Variants in SEMA6D observed in about 807,000 individuals in gnomAD.
SEMA6D encodes semaphorin-6D.
SEMA6D carries 35 observed loss-of-function variants against 106.6 expected under a neutral mutation model. The ratio of observed to expected loss-of-function variants is 0.33; its 90% confidence interval spans 0.25 to 0.44. The LOEUF is 0.44. Ranked by LOEUF, SEMA6D falls within the 20% of genes least tolerant of loss-of-function variation. SEMA6D has a pLI of 1.00. For missense variants in SEMA6D, 1,185 were observed against 1,345.9 expected, an observed-to-expected ratio of 0.88 and a Z score of 1.87; for synonymous variants, 499 against 487.7, an observed-to-expected ratio of 1.02 and a Z score of -0.31.
chr15:47,726,769 T>A (rs951105591), intron 1 of SEMA6D, among the ~76,000 whole-genome samples: 1 of 152,260 alleles, frequency 6.6e-6, no homozygotes, highest in South Asian at 2.1e-4. Context: ...TATATCAGTG[T>A]CTGTTAAATA....
chr15:47,624,082 C>A (rs914488973), intron 4 of SEMA6D, among the ~76,000 whole-genome samples: 1 of 152,172 alleles, frequency 6.6e-6, no homozygotes, highest in Non-Finnish European at 1.5e-5. Context: ...TCAGAACTGC[C>A]GTCCGTACCC....
At chr15:47,694,128 C>T (rs11070607) in intron 4 of SEMA6D, among the ~76,000 whole-genome samples, 55,620 of 149,698 alleles carry the variant, frequency 0.37, 11,376 homozygotes, top group Middle Eastern at 0.51. Context: ...GCAAAATCTT[C>T]GGCCCCACAA....
chr15:47,261,198 G>T (rs2034060109), intron 1 of SEMA6D, among the ~76,000 whole-genome samples: 1 of 152,090 alleles, frequency 6.6e-6, no homozygotes, highest in South Asian at 2.1e-4. Context: ...GTTCACTCAT[G>T]TGTTTGATTA....
Position 47,764,872 on chromosome 15 carries a change from T to G in SEMA6D, c.1254-11T>G. 4 of 1,613,718 alleles carry G rather than the reference T, an allele frequency of 2.5e-6. No homozygotes were observed. The highest frequency in any genetic ancestry group is 1.1e-5 in the South Asian group (1 of 91,068). ...GCCTCCCCTTCTGATCTGTGCCGCC[T>G]CCTCTTGTAGGTACAGACTGACGGC... On this transcript the variant is annotated splice_polypyrimidine_tract_variant and intron_variant, in intron 12 of 18. Transcript: ENST00000536845.
rs1386728412 is a variant in SEMA6D at position 47,439,306 on chromosome 15, A to G, written c.-159+26834A>G. Among the ~76,000 whole-genome samples, 3 of 152,222 alleles carry G rather than the reference A, an allele frequency of 2.0e-5. No individual in the cohort carries two copies. In the East Asian group the frequency reaches 5.8e-4, roughly 30 times the overall value. ...AAAGTTTGTGAGTCAGCTCAATTCT[A>G]TTTTTAAAAGCGTATATAAACTCAA... On this transcript the variant is annotated intron_variant, in intron 2 of 19. Transcript: ENST00000558014.
At chr15:47,681,960 G>A (rs943953562) in intron 4 of SEMA6D, among the ~76,000 whole-genome samples, 10 of 152,110 alleles carry the variant, frequency 6.6e-5, no homozygotes, top group African/African-American at 2.4e-4. Flanking sequence ...AAGCTTTTAG[G>A]TTCAATGGTC....
At position 47,331,702 on chromosome 15, in the gene SEMA6D, A is replaced by G. The variant is rs79513520; in HGVS notation, c.-238-80691A>G. On this transcript the variant is annotated intron_variant, in intron 1 of 19. Transcript: ENST00000558014. The stretch of plus-strand genomic sequence containing the variant: ...TATTATCCTCTTTATACTTTTCTAC[A>G]TTGTCAAAAATTTCTTTAATGCAAA... 6.0e-3 allele frequency among the ~76,000 whole-genome samples: 910 copies of G among 152,316 alleles called. 6 individuals are homozygous for G. The highest frequency in any genetic ancestry group is 0.049 in the East Asian group (253 of 5,182).
chr15:47,550,917 T>A (rs1416451764), intron 3 of SEMA6D, among the ~76,000 whole-genome samples: 1 of 152,142 alleles, frequency 6.6e-6, no homozygotes, highest in Non-Finnish European at 1.5e-5. Flanking sequence ...AAAGTAAATA[T>A]GGCATTATCA....
At chr15:47,468,939 A>G (rs996668533) in intron 2 of SEMA6D, among the ~76,000 whole-genome samples, 1 of 152,102 alleles carries the variant, frequency 6.6e-6, no homozygotes, top group African/African-American at 2.4e-5. Context: ...GGAATGTTTT[A>G]TGTAGAAAGT....
intron 4 of SEMA6D, among the ~76,000 whole-genome samples, chr15:47,661,135 C>T (rs963159039): frequency 3.3e-5 from 5 of 152,178 alleles, no homozygotes; most frequent in African/African-American, 9.6e-5. Context: ...ACCTGACAGG[C>T]GTCTTCTTCC....
intron 4 of SEMA6D, among the ~76,000 whole-genome samples, chr15:47,632,478 A>G (rs927216454): frequency 1.3e-5 from 2 of 148,808 alleles, no homozygotes; most frequent in Non-Finnish European, 1.5e-5. Flanking sequence ...GTGGTGTTTT[A>G]TATGTACACA....
intron 2 of SEMA6D, among the ~76,000 whole-genome samples, chr15:47,413,429 A>G (rs1473226531): frequency 6.6e-6 from 1 of 152,130 alleles, no homozygotes; most frequent in Non-Finnish European, 1.5e-5. Context: ...GAGTGAGACT[A>G]TATTTGGTAC....
intron 1 of SEMA6D, among the ~76,000 whole-genome samples, chr15:47,282,228 A>G (rs140904905): frequency 9.0e-4 from 137 of 152,284 alleles, no homozygotes; most frequent in African/African-American, 3.2e-3. Context: ...TCCCTACCCT[A>G]TCCCCACCAA....
chr15:47,358,117 T>C (rs1189945417), intron 1 of SEMA6D, among the ~76,000 whole-genome samples: 1 of 152,192 alleles, frequency 6.6e-6, no homozygotes, highest in Non-Finnish European at 1.5e-5. Flanking sequence ...GAGTTTTTCC[T>C]AAGGCAGATG....
chr15:47,697,935 C>T (rs1304688662), intron 4 of SEMA6D, among the ~76,000 whole-genome samples: 1 of 152,224 alleles, frequency 6.6e-6, no homozygotes, highest in African/African-American at 2.4e-5. Flanking sequence ...GCTTCCCTAA[C>T]TTGCTAAGGC....
chr15:47,230,452 G>A (rs144272104), intron 1 of SEMA6D, among the ~76,000 whole-genome samples: 52 of 152,132 alleles, frequency 3.4e-4, no homozygotes, highest in Middle Eastern at 3.4e-3. Context: ...TATAGTGTCA[G>A]TTGTGTGAGA....
intron 1 of SEMA6D, among the ~76,000 whole-genome samples, chr15:47,376,627 C>A (rs2039458355): frequency 6.6e-6 from 1 of 152,272 alleles, no homozygotes; most frequent in South Asian, 2.1e-4. Flanking sequence ...CTTCTTTCTG[C>A]AGAGCTTGCT....
In SEMA6D at chr15:47,444,726, G is replaced by A. The variant is rs577537490; in HGVS notation, c.-158-25748G>A. On this transcript the variant is annotated intron_variant, in intron 2 of 19. Coordinates refer to the SEMA6D transcript ENST00000558014. ...AACACACAGACAGGCAAGTGAAAGA[G>A]CCAGAGCAAGCACTATGGGCTCCTG... Among the ~76,000 whole-genome samples the A allele has an allele frequency of 1.5e-4, 23 of 152,214 alleles. No homozygotes were observed. In the East Asian group the frequency reaches 3.7e-3, roughly 24 times the overall value.
At chr15:47,334,333 C>A in intron 1 of SEMA6D, among the ~76,000 whole-genome samples, 1 of 152,160 alleles carries the variant, frequency 6.6e-6, no homozygotes, top group East Asian at 1.9e-4. Context: ...ATTAATCAAA[C>A]CCAAAGTGGG....
Sources: gnomAD v4.1 joint callset for allele counts (sites outside exome capture counted in the v4.1 genomes callset) on GRCh38, gnomAD v4.1.1 for gene constraint, MANE v1.5 for transcripts, NCBI Gene and HGNC (gene_info 2026-07-23, HGNC 2026-07-21) for gene names.